The following RP1 variants were observed in gnomAD, a reference collection of about 807,000 sequenced individuals.
RP1 encodes RP1 axonemal microtubule associated.
In RP1, 16 loss-of-function variants were observed where a neutral mutation model predicts 14.8. The ratio of observed to expected loss-of-function variants is 1.08; its 90% CI spans 0.73 to 1.65. RP1 has a LOEUF of 1.65. RP1 is among the 40% of genes most tolerant of loss of function. The pLI is 0.00. For missense variants in RP1, 2,631 were observed against 2,535.0 expected, an observed-to-expected ratio of 1.04 and a Z score of -0.81; for synonymous variants, 876 against 883.6, an observed-to-expected ratio of 0.99 and a Z score of 0.15.
At position 54,621,398 on chromosome 8, in the gene RP1, C is replaced by A. The variant is rs777144010; in HGVS notation, c.432C>A (p.Val144=). Residue 144 remains valine, a synonymous_variant, in exon 2 of 4, where the codon GTC becomes GTA. Transcript: ENST00000220676. ...ACTCACCGCCCCACCCCGTAGCCGT[C>A]GCTGCTCCCGGCATGCCCCGCCCCC... is the stretch of plus-strand genomic sequence containing the variant. ...SAHSPPHPVA[V]AAPGMPRPPR... 1 of 1,613,114 alleles carries A rather than the reference C, an allele frequency of 6.2e-7. No individual in the cohort carries two copies. Among genetic ancestry groups the A allele is most frequent in the South Asian group, 1.1e-5 (1 of 91,076 alleles).
At chr8:54,683,720 G>C (rs1807487330) in intron 12 of RP1, among the ~76,000 whole-genome samples, 1 of 152,144 alleles carries the variant, frequency 6.6e-6, no homozygotes. Context: ...GGATTTTCTA[G>C]ATATAGGATT....
At chr8:54,679,875 T>G in exon 12 of RP1, 1 of 1,536,114 alleles carries the variant, frequency 6.5e-7, no homozygotes, top group South Asian at 1.2e-5. Flanking sequence ...CTGGAGGGTT[T>G]GTCCGTTTGC....
At chr8:54,698,886 C>T (rs1400417899) in intron 12 of RP1, among the ~76,000 whole-genome samples, 2 of 151,208 alleles carry the variant, frequency 1.3e-5, no homozygotes, top group Non-Finnish European at 2.9e-5. Context: ...CAAGGCCTAT[C>T]GGGGGTTGGG....
At chr8:54,707,050 GCT>G (rs1337393545) in intron 15 of RP1, among the ~76,000 whole-genome samples, 6 of 152,268 alleles carry the variant, frequency 3.9e-5, no homozygotes, top group Non-Finnish European at 5.9e-5. Context: ...TCTCCTTACT[GCT>G]CCTTTTGGTG....
intron 17 of RP1, among the ~76,000 whole-genome samples, chr8:54,731,030 C>T (rs952695723): frequency 9.9e-5 from 15 of 152,000 alleles, no homozygotes; most frequent in Non-Finnish European, 1.8e-4. Flanking sequence ...TTCTCAAATA[C>T]TATCTTGGAA....
intron 24 of RP1, among the ~76,000 whole-genome samples, chr8:54,786,943 C>G (rs1450714554): frequency 6.6e-6 from 1 of 152,076 alleles, no homozygotes; most frequent in East Asian, 1.9e-4. Flanking sequence ...ATCTTATTGT[C>G]AGAACAGTGA....
Position 54,562,221 on chromosome 8 carries a change from G to A in RP1, c.-13+2901G>A, listed in dbSNP as rs139307102. Among the ~76,000 whole-genome samples the A allele has an allele frequency of 3.4e-4, 52 of 152,282 alleles. 1 individual carries two copies. The highest frequency in any genetic ancestry group is 1.3e-3 in the African/African-American group (52 of 41,550). On this transcript the variant is annotated intron_variant, in intron 1 of 22. Transcript: ENST00000636932. ...AGCTATGCTCACATGTAAAACTAGT[G>A]AATATGAATATGGGAGCAACATTTT...
At chr8:54,763,818 G>A (rs2129371412) in intron 22 of RP1, among the ~76,000 whole-genome samples, 1 of 152,160 alleles carries the variant, frequency 6.6e-6, no homozygotes, top group East Asian at 1.9e-4. Flanking sequence ...GAGGAATAAG[G>A]ACATAATGCT....
At chr8:54,820,793 T>C (rs1349567473) in intron 24 of RP1, among the ~76,000 whole-genome samples, 1 of 152,146 alleles carries the variant, frequency 6.6e-6, no homozygotes, top group African/African-American at 2.4e-5. Flanking sequence ...TGGCTGGTTG[T>C]TCAATTTGGT....
rs111452227 is a variant in RP1 at position 54,638,241 on chromosome 8, G to C, written c.788-10744G>C. 7.7e-3 allele frequency among the ~76,000 whole-genome samples: 1,163 copies of C among 151,928 alleles called. 20 individuals carry two copies. Among genetic ancestry groups the C allele is most frequent in the African/African-American group, 0.027 (1,104 of 41,434 alleles). ...TTGCCTGAGCTTGTGAGTTCGAGAC[G>C]AGCCTCGGCAACACAGTGAAACCCT... On this transcript the variant is annotated intron_variant, in intron 3 of 22. Transcript: ENST00000636932.
At chr8:54,680,725 G>A (rs1327164273) in intron 12 of RP1, among the ~76,000 whole-genome samples, 5 of 152,072 alleles carry the variant, frequency 3.3e-5, no homozygotes, top group Admixed American at 2.0e-4. Flanking sequence ...TTGGGAGGCC[G>A]AGGTGGGCGG....
At chr8:54,799,116 T>C (rs143294036) in intron 24 of RP1, among the ~76,000 whole-genome samples, 29 of 152,182 alleles carry the variant, frequency 1.9e-4, no homozygotes, top group Non-Finnish European at 3.1e-4. Context: ...AAGCTTTTTA[T>C]TTTAAAGATG....
At chr8:54,658,034 G>C (rs1806794259) in intron 6 of RP1, among the ~76,000 whole-genome samples, 1 of 152,164 alleles carries the variant, frequency 6.6e-6, no homozygotes, top group Non-Finnish European at 1.5e-5. Context: ...ATCTTACAAA[G>C]CTGAAACTCT....
chr8:54,686,724 T>A (rs757769230), intron 12 of RP1, among the ~76,000 whole-genome samples: 1 of 152,182 alleles, frequency 6.6e-6, no homozygotes, highest in Admixed American at 6.6e-5. Flanking sequence ...TTTTTAACAC[T>A]GAACCCTTGA....
exon 21 of RP1, chr8:54,755,730 T>C (rs1455237939): frequency 2.0e-6 from 3 of 1,531,942 alleles, no homozygotes; most frequent in Non-Finnish European, 2.6e-6. Flanking sequence ...CTCAGACAGC[T>C]GTACAAATCT....
At chr8:54,753,416 C>A (rs965781472) in intron 19 of RP1, among the ~76,000 whole-genome samples, 12 of 152,174 alleles carry the variant, frequency 7.9e-5, no homozygotes, top group African/African-American at 2.9e-4. Flanking sequence ...AATGGGGAGG[C>A]TGCCATGGAT....
intron 16 of RP1, among the ~76,000 whole-genome samples, chr8:54,723,321 A>G (rs932792790): frequency 6.6e-6 from 1 of 152,220 alleles, no homozygotes; most frequent in Admixed American, 6.5e-5. Context: ...TAGAGTCGAT[A>G]GATTTCTAAA....
chr8:54,830,534 C>A (rs1392285795), intron 24 of RP1, among the ~76,000 whole-genome samples: 3 of 151,970 alleles, frequency 2.0e-5, no homozygotes, highest in Non-Finnish European at 4.4e-5. Flanking sequence ...TTTGTGTTTT[C>A]TTGGTATCTC....
chr8:54,588,316 G>C (rs551132728), intron 1 of RP1, among the ~76,000 whole-genome samples: 1 of 152,316 alleles, frequency 6.6e-6, no homozygotes, highest in East Asian at 1.9e-4. Context: ...GGGTGCAAAA[G>C]AGCAAACACA....
Sources: gnomAD v4.1 joint callset for allele counts (sites outside exome capture counted in the v4.1 genomes callset) on GRCh38, gnomAD v4.1.1 for gene constraint, MANE v1.5 for transcripts, NCBI Gene and HGNC (gene_info 2026-07-23, HGNC 2026-07-21) for gene names.